Variants in DIP2C observed in about 807,000 individuals in gnomAD.
DIP2C encodes the protein disco-interacting protein 2 homolog C.
DIP2C carries 33 observed loss-of-function variants against 192.4 expected under a neutral mutation model. The observed-to-expected ratio is 0.17, with a 90% CI of 0.13 to 0.23. The LOEUF (loss-of-function observed/expected upper bound fraction) is 0.23. Ranked by LOEUF, DIP2C falls within the 10% of genes least tolerant of loss-of-function variation. The pLI, the probability that DIP2C is intolerant of heterozygous loss-of-function variation, is 1.00. For missense variants in DIP2C, 1,537 were observed against 2,110.1 expected (o/e 0.73, Z 5.32); for synonymous variants, 979 against 864.1 (o/e 1.13, Z -2.33).
chr10:446,555 C>T (rs376793631), intron 3 of DIP2C, among the ~76,000 whole-genome samples: 16 of 152,346 alleles, frequency 1.1e-4, no homozygotes, highest in South Asian at 6.2e-4. Flanking sequence ...CCTTCCAAGT[C>T]TGTGCCTTTT....
chr10:662,916 G>C, intron 1 of DIP2C: 1 of 717,558 alleles, frequency 1.4e-6, no homozygotes, highest in Non-Finnish European at 2.6e-6. Flanking sequence ...ACTCTCGGGA[G>C]AGGTGGATGT....
At position 680,099 on chromosome 10, in the gene DIP2C, C is replaced by T. The variant is rs141050227; in HGVS notation, c.85+9395G>A. ...ACAGTGTGGGCCCAGCCCGGTCCCA[C>T]AGCCACCAGGAGGAGGCTCCTGAGC... is the stretch of plus-strand genomic sequence containing the variant. On this transcript the variant is annotated intron_variant, in intron 1 of 36. Coordinates refer to ENST00000280886, the MANE Select transcript of DIP2C (RefSeq NM_014974.3). Among the ~76,000 whole-genome samples the T allele has an allele frequency of 3.3e-5, 5 of 152,330 alleles. No individual in the cohort carries two copies. In the East Asian group the frequency reaches 9.7e-4, roughly 29 times the overall value.
At chr10:383,802 T>C (rs572376388) in intron 16 of DIP2C, among the ~76,000 whole-genome samples, 1 of 152,240 alleles carries the variant, frequency 6.6e-6, no homozygotes, top group East Asian at 1.9e-4. Flanking sequence ...ATGCCTGTCC[T>C]TATTATGCCA....
intron 1 of DIP2C, chr10:650,799 A>G: frequency 2.9e-6 from 2 of 683,514 alleles, no homozygotes; most frequent in Non-Finnish European, 2.7e-6. Context: ...ATCCTGGCTG[A>G]TCCACCATGG....
rs41289253 is a variant in DIP2C at position 423,122 on chromosome 10, C to T, written c.395-89G>A. ...CCTCGCCAAACACAGATTTACTTCA[C>T]GTAAGTCTCAATAGTTGTTCAATGA... On this transcript the variant is annotated intron_variant, in intron 4 of 36. Coordinates refer to ENST00000280886, the MANE Select transcript of DIP2C (RefSeq NM_014974.3). 4,241 of 1,253,074 alleles carry T rather than the reference C, an allele frequency of 3.4e-3. 125 individuals carry two copies. In the African/African-American group the frequency reaches 0.057, roughly 17 times the overall value. 77.6% of individuals were successfully genotyped at this position (1,253,074 alleles called of 1,614,324 possible).
intron 1 of DIP2C, among the ~76,000 whole-genome samples, chr10:618,858 G>A (rs1397803079): frequency 6.6e-6 from 1 of 152,200 alleles, no homozygotes. Flanking sequence ...CAGAAACACT[G>A]TCCCTCGCCA....
At chr10:419,725 G>A (rs1203756229) in intron 5 of DIP2C, among the ~76,000 whole-genome samples, 1 of 152,056 alleles carries the variant, frequency 6.6e-6, no homozygotes, top group African/African-American at 2.4e-5. Context: ...CAGTTCATAG[G>A]ATCTTCTTCA....
intron 3 of DIP2C, among the ~76,000 whole-genome samples, chr10:450,292 A>G (rs1589824251): frequency 6.6e-6 from 1 of 152,308 alleles, no homozygotes; most frequent in African/African-American, 2.4e-5. Flanking sequence ...TCTTCTTGTG[A>G]TGTGGACCCG....
intron 1 of DIP2C, among the ~76,000 whole-genome samples, chr10:569,955 C>A (rs1849682861): frequency 1.3e-5 from 2 of 152,216 alleles, no homozygotes; most frequent in African/African-American, 4.8e-5. Context: ...GCAGCCAAGT[C>A]CTCTCAGCCT....
chr10:523,544 T>A (rs1375238377), intron 1 of DIP2C, among the ~76,000 whole-genome samples: 1 of 138,020 alleles, frequency 7.2e-6, no homozygotes, highest in African/African-American at 2.7e-5. Context: ...GACCCTGGAG[T>A]GAGGATGCAG....
intron 1 of DIP2C, among the ~76,000 whole-genome samples, chr10:513,260 G>C (rs1846141555): frequency 6.6e-6 from 1 of 152,194 alleles, no homozygotes; most frequent in Non-Finnish European, 1.5e-5. Context: ...ATAAACATAA[G>C]CTACTAAATT....
At chr10:356,327 T>C (rs1337996404) in intron 24 of DIP2C, 99 bp downstream of exon 24, 2 of 1,348,548 alleles carry the variant, frequency 1.5e-6, no homozygotes, top group South Asian at 2.3e-5. Context: ...CCCATAAGAC[T>C]GAAGCAAAAG....
intron 1 of DIP2C, among the ~76,000 whole-genome samples, chr10:511,964 C>T (rs1162301519): frequency 6.6e-6 from 1 of 152,170 alleles, no homozygotes; most frequent in Admixed American, 6.5e-5. Context: ...GGAGAAGAGC[C>T]TCTGGTACTC....
chr10:445,407 G>T (rs1968090590), intron 3 of DIP2C, among the ~76,000 whole-genome samples: 1 of 151,614 alleles, frequency 6.6e-6, no homozygotes. Flanking sequence ...TATATTGGTT[G>T]CAAAGAGTAT....
chr10:379,548 C>T (rs904634690), intron 17 of DIP2C, among the ~76,000 whole-genome samples: 1 of 152,202 alleles, frequency 6.6e-6, no homozygotes, highest in African/African-American at 2.4e-5. Context: ...CTTGGCCCTG[C>T]TGGCACCTGC....
intron 4 of DIP2C, among the ~76,000 whole-genome samples, chr10:428,066 C>A (rs889008302): frequency 6.6e-6 from 1 of 152,022 alleles, no homozygotes; most frequent in African/African-American, 2.4e-5. Context: ...GAATATAATT[C>A]AACAATAAGA....
chr10:380,794 G>A (rs540125904), intron 17 of DIP2C, among the ~76,000 whole-genome samples: 14 of 152,290 alleles, frequency 9.2e-5, no homozygotes, highest in East Asian at 7.7e-4. Flanking sequence ...CGGAATGTAC[G>A]AAAGCCGTTT....
chr10:441,139 GT>G, intron 3 of DIP2C, 143 bp from the exon 4 acceptor site: 1 of 922,430 alleles, frequency 1.1e-6, no homozygotes, highest in Non-Finnish European at 1.5e-6. Context: ...GAAAATCAGT[GT>G]TTACAATTCC....
chr10:518,802 G>A (rs1450229680), intron 1 of DIP2C, among the ~76,000 whole-genome samples: 2 of 152,220 alleles, frequency 1.3e-5, no homozygotes, highest in Non-Finnish European at 2.9e-5. Flanking sequence ...CCAGAAAGAG[G>A]TTTAATTAAA....
Sources: allele counts gnomAD v4.1 joint callset (sites outside exome capture counted in the v4.1 genomes callset), GRCh38; gene constraint gnomAD v4.1.1; transcripts MANE v1.5; gene names NCBI Gene and HGNC (gene_info 2026-07-23, HGNC 2026-07-21).